PDE3A: variants seen among roughly 807,000 people sequenced by gnomAD.
PDE3A encodes cGMP-inhibited 3',5'-cyclic phosphodiesterase 3A.
PDE3A carries 43 observed loss-of-function variants against 98.3 expected under a neutral mutation model. That is an observed-to-expected ratio of 0.44 (90% CI 0.34 to 0.56). PDE3A has a LOEUF of 0.56. Ranked by LOEUF, PDE3A falls within the 20% of genes least tolerant of loss-of-function variation. The pLI, the probability that PDE3A is intolerant of heterozygous loss-of-function variation, is 0.01. For synonymous variants in PDE3A, 663 were observed against 567.9 expected (o/e 1.17, Z -2.38); for missense variants, 1,427 against 1,440.7 (o/e 0.99, Z 0.15).
chr12:20,462,512 A>G (rs1172078441), intron 1 of PDE3A, among the ~76,000 whole-genome samples: 5 of 151,024 alleles, frequency 3.3e-5, no homozygotes, highest in Admixed American at 6.6e-5. Flanking sequence ...CAAAAATCGA[A>G]TTTTTTTTTG....
At chr12:20,447,613 A>G (rs1591942248) in intron 1 of PDE3A, among the ~76,000 whole-genome samples, 1 of 152,348 alleles carries the variant, frequency 6.6e-6, no homozygotes, top group African/African-American at 2.4e-5. Flanking sequence ...CAGGGAGGAC[A>G]TGGGAGCTCT....
Position 20,683,582 on chromosome 12 carries a change from A to G in PDE3A, c.*3311A>G, listed in dbSNP as rs1945857032. On this transcript the variant is annotated 3_prime_UTR_variant, in exon 16 of 16. Transcript: ENST00000359062. Reference sequence around the variant, plus strand: ...TCCGGTTATATATCTATCTAAATTAACCTTTAAAATATTGGTTTCCTTGAT... The same window carrying G: ...TCCGGTTATATATCTATCTAAATTAGCCTTTAAAATATTGGTTTCCTTGAT... 6.6e-6 allele frequency: 1 copy of G among 152,068 alleles called. No homozygotes were observed. The highest frequency in any genetic ancestry group is 6.5e-5 in the Admixed American group (1 of 15,268). 9.4% of individuals were successfully genotyped at this position (152,068 alleles called of 1,614,324 possible).
chr12:20,508,834 C>T (rs1946165501), intron 1 of PDE3A, among the ~76,000 whole-genome samples: 1 of 149,184 alleles, frequency 6.7e-6, no homozygotes, highest in Non-Finnish European at 1.5e-5. Flanking sequence ...ATCTGGGTTT[C>T]TGGGTTTTTG....
chr12:20,649,610 GTAACTA>G (rs1162691143), intron 13 of PDE3A, among the ~76,000 whole-genome samples: 21 of 152,224 alleles, frequency 1.4e-4, no homozygotes, highest in Middle Eastern at 6.8e-3. Flanking sequence ...TTTATGAACT[GTAACTA>G]TATTATTTTA....
intron 2 of PDE3A, among the ~76,000 whole-genome samples, chr12:20,607,513 G>C (rs1053951024): frequency 1.3e-5 from 2 of 151,184 alleles, no homozygotes; most frequent in African/African-American, 4.9e-5. Context: ...AGTTATTTTT[G>C]GCTTGATATA....
intron 1 of PDE3A, among the ~76,000 whole-genome samples, chr12:20,492,512 G>A (rs1197417544): frequency 6.6e-6 from 1 of 152,102 alleles, no homozygotes; most frequent in Non-Finnish European, 1.5e-5. Flanking sequence ...AAAGCAACAA[G>A]GAATGATGAG....
chr12:20,644,699 T>C (rs73082616), intron 10 of PDE3A, among the ~76,000 whole-genome samples: 1 of 152,228 alleles, frequency 6.6e-6, no homozygotes, highest in Non-Finnish European at 1.5e-5. Flanking sequence ...GATATAGATG[T>C]CAATCTTAAT....
chr12:20,532,680 T>C (rs1330286710), intron 1 of PDE3A, among the ~76,000 whole-genome samples: 1 of 120,404 alleles, frequency 8.3e-6, no homozygotes, highest in East Asian at 2.9e-4. Context: ...TGTATTAGTT[T>C]CTCTCTCTTT....
intron 1 of PDE3A, among the ~76,000 whole-genome samples, chr12:20,441,925 T>A (rs113934310): frequency 1.3e-5 from 2 of 152,154 alleles, no homozygotes; most frequent in African/African-American, 4.8e-5. Flanking sequence ...GCCTTGCCAA[T>A]CTCTATAGCT....
chr12:20,510,002 A>G (rs1026661312), intron 1 of PDE3A, among the ~76,000 whole-genome samples: 1 of 152,046 alleles, frequency 6.6e-6, no homozygotes, highest in Non-Finnish European at 1.5e-5. Context: ...TGATATTTAT[A>G]TGATAAAACA....
rs1321816215 is a variant in PDE3A, at chr12:20,627,143, G to GT, written c.1541-2763dup. Among the ~76,000 whole-genome samples the GT allele has an allele frequency of 8.2e-3, 245 of 30,018 alleles. 1 individual carries two copies. Among genetic ancestry groups the GT allele is most frequent in the African/African-American group, 0.018 (235 of 13,324 alleles). 19.7% of individuals were successfully genotyped at this position (30,018 alleles called of 152,430 possible). A position where few individuals can be genotyped will look rare whatever the true frequency, so the allele number is the denominator to read the frequency against. On this transcript the variant is annotated intron_variant, in intron 5 of 15. Transcript: ENST00000359062. ...CTCATGGGCTTTGAACTATTGTTCT[G>GT]TTAAAAAAAAAAAAAAAAAAACTGT...
chr12:20,453,171 T>C (rs1350572699), intron 1 of PDE3A, among the ~76,000 whole-genome samples: 3 of 136,630 alleles, frequency 2.2e-5, no homozygotes, highest in Non-Finnish European at 4.7e-5. Context: ...AACTTGATAA[T>C]GCTTTTTTTT....
chr12:20,627,570 C>G (rs546062481), intron 5 of PDE3A, among the ~76,000 whole-genome samples: 1 of 152,120 alleles, frequency 6.6e-6, no homozygotes, highest in African/African-American at 2.4e-5. Context: ...TACCCACCCC[C>G]ACCCTTTCCC....
At chr12:20,445,295 C>T (rs1401248093) in intron 1 of PDE3A, among the ~76,000 whole-genome samples, 1 of 152,134 alleles carries the variant, frequency 6.6e-6, no homozygotes, top group African/African-American at 2.4e-5. Context: ...AAAGATTTCA[C>T]ATCTTAAGGG....
intron 1 of PDE3A, among the ~76,000 whole-genome samples, chr12:20,499,559 TAAAC>T (rs1945983716): frequency 6.6e-6 from 1 of 152,192 alleles, no homozygotes; most frequent in Non-Finnish European, 1.5e-5. Context: ...ACAAACATTT[TAAAC>T]AAACCTTTCT....
intron 1 of PDE3A, among the ~76,000 whole-genome samples, chr12:20,424,287 G>A (rs904095794): frequency 2.0e-5 from 3 of 152,078 alleles, no homozygotes; most frequent in African/African-American, 7.2e-5. Flanking sequence ...ACATGAGCTA[G>A]GAAAAAGCAT....
intron 1 of PDE3A, among the ~76,000 whole-genome samples, chr12:20,462,098 A>C (rs1385119473): frequency 2.6e-5 from 4 of 152,168 alleles, no homozygotes; most frequent in African/African-American, 9.7e-5. Context: ...TATAACTTTT[A>C]ATTTTAGGTT....
chr12:20,537,561 A>T (rs571393390), intron 1 of PDE3A, among the ~76,000 whole-genome samples: 1 of 152,096 alleles, frequency 6.6e-6, no homozygotes, highest in African/African-American at 2.4e-5. Context: ...TCTTAATTTT[A>T]GTGTTTTCCA....
At chr12:20,528,366 T>C (rs2121177222) in intron 1 of PDE3A, among the ~76,000 whole-genome samples, 1 of 152,324 alleles carries the variant, frequency 6.6e-6, no homozygotes, top group Admixed American at 6.5e-5. Flanking sequence ...TATTGTGAAA[T>C]ATTCTGATGG....
Sources: gnomAD v4.1 joint callset for allele counts (sites outside exome capture counted in the v4.1 genomes callset) on GRCh38, gnomAD v4.1.1 for gene constraint, MANE v1.5 for transcripts, NCBI Gene and HGNC (gene_info 2026-07-23, HGNC 2026-07-21) for gene names.